The following FAM240B variants were observed in gnomAD, a reference collection of about 807,000 sequenced individuals.
FAM240B encodes the protein protein FAM240B.
Position 38,716,190 on chromosome 9 carries a change from G to A in FAM240B, c.-4+3832C>T, listed in dbSNP as rs1049574033. Among the ~76,000 whole-genome samples, 5 of 152,290 alleles carry A rather than the reference G, an allele frequency of 3.3e-5. No homozygotes were observed. In the South Asian group the frequency reaches 6.2e-4, roughly 19 times the overall value. On this transcript the variant is annotated intron_variant, in intron 1 of 2. Transcript: ENST00000637493. ...GGACCTTACTTAATATGGTGCCCTT[G>A]GCCCGGTGCGGTGGCTCAAGCCAGT...
At position 38,708,148 on chromosome 9, in the gene FAM240B, C is replaced by T. The variant is rs368219730; in HGVS notation, c.-3-4146G>A. Reference sequence around the variant, plus strand: ...TTGGCTGGATGCAGTCAGAGGGCTACCTACCTGCCCCTCCTAGTGGATGCA... The same window carrying T: ...TTGGCTGGATGCAGTCAGAGGGCTATCTACCTGCCCCTCCTAGTGGATGCA... On this transcript the variant is annotated intron_variant, in intron 1 of 2. Coordinates refer to ENST00000637493, the MANE Select transcript of FAM240B (RefSeq NM_001394922.1). 5.9e-5 allele frequency among the ~76,000 whole-genome samples: 9 copies of T among 152,306 alleles called. No homozygotes were observed. In the East Asian group the frequency reaches 1.2e-3, roughly 20 times the overall value.
intron 1 of FAM240B, among the ~76,000 whole-genome samples, chr9:38,706,333 C>A (rs1821189986): frequency 6.6e-6 from 1 of 152,060 alleles, no homozygotes; most frequent in African/African-American, 2.4e-5. Flanking sequence ...AGCCTGCACT[C>A]TTCCCACCGC....
intron 1 of FAM240B, among the ~76,000 whole-genome samples, chr9:38,707,243 A>G (rs1471350567): frequency 6.6e-6 from 1 of 152,164 alleles, no homozygotes; most frequent in Non-Finnish European, 1.5e-5. Context: ...TTGATAATGA[A>G]CATTTTATTC....
At chr9:38,718,407 G>A (rs1361746188) in intron 1 of FAM240B, among the ~76,000 whole-genome samples, 3 of 152,290 alleles carry the variant, frequency 2.0e-5, no homozygotes, top group Admixed American at 6.5e-5. Context: ...CTTCTGTAGA[G>A]GTCCTTTCAG....
At chr9:38,718,914 A>G (rs999579985) in intron 1 of FAM240B, among the ~76,000 whole-genome samples, 1 of 152,160 alleles carries the variant, frequency 6.6e-6, no homozygotes, top group East Asian at 1.9e-4. Context: ...TTTTTATTTT[A>G]TGAATTTCAT....
chr9:38,704,194 A>T (rs1391961012), intron 1 of FAM240B, among the ~76,000 whole-genome samples, 192 bp from the exon 2 acceptor site: 1 of 151,686 alleles, frequency 6.6e-6, no homozygotes, highest in African/African-American at 2.4e-5. Flanking sequence ...GAATAATAAT[A>T]GCTATGCCAG....
intron 1 of FAM240B, among the ~76,000 whole-genome samples, chr9:38,719,064 C>G (rs992233767): frequency 1.3e-4 from 19 of 151,938 alleles, no homozygotes; most frequent in Non-Finnish European, 2.1e-4. Context: ...TCATCAGCCT[C>G]AAGTTCAAGG....
At chr9:38,708,878 G>T (rs1160183144) in intron 1 of FAM240B, among the ~76,000 whole-genome samples, 1 of 152,186 alleles carries the variant, frequency 6.6e-6, no homozygotes. Context: ...ATTTATCTCT[G>T]TTGCTGGGCT....
At position 38,713,281 on chromosome 9, in the gene FAM240B, A is replaced by G. The variant is rs147695982; in HGVS notation, c.-4+6741T>C. Among the ~76,000 whole-genome samples the G allele has an allele frequency of 5.9e-5, 9 of 152,244 alleles. No homozygotes were observed. The East Asian group carries it at 1.7e-3, about 29-fold the overall frequency. Reference sequence around the variant, plus strand: ...ATCACGAGGTCAGGAGATCGAGACCATCCTGGCTAACACGGTGAAACCCCA... The same window carrying G: ...ATCACGAGGTCAGGAGATCGAGACCGTCCTGGCTAACACGGTGAAACCCCA... On this transcript the variant is annotated intron_variant, in intron 1 of 2. Coordinates refer to ENST00000637493, the MANE Select transcript of FAM240B (RefSeq NM_001394922.1).
chr9:38,700,321 A>G (rs945358403), intron 2 of FAM240B, among the ~76,000 whole-genome samples: 8 of 152,240 alleles, frequency 5.3e-5, no homozygotes, highest in Non-Finnish European at 1.2e-4. Flanking sequence ...GGCAGCCTTC[A>G]GAGCAAGAGA....
intron 1 of FAM240B, among the ~76,000 whole-genome samples, chr9:38,706,810 C>T (rs1821196799): frequency 6.6e-6 from 1 of 152,206 alleles, no homozygotes; most frequent in Non-Finnish European, 1.5e-5. Context: ...TCATTCAGTG[C>T]ACAGAATTCT....
rs144754426 is a variant in FAM240B, at chr9:38,715,743, C to T, written c.-4+4279G>A. Among the ~76,000 whole-genome samples, 763 of 152,292 alleles carry T rather than the reference C, an allele frequency of 5.0e-3. 11 individuals are homozygous for T. The highest frequency in any genetic ancestry group is 0.017 in the African/African-American group (725 of 41,558). On this transcript the variant is annotated intron_variant, in intron 1 of 2. Coordinates refer to ENST00000637493, the MANE Select transcript of FAM240B (RefSeq NM_001394922.1). The stretch of plus-strand genomic sequence containing the variant: ...GAATATGTCTGTTGGCTGGACTTGG[C>T]CTTTGGGTCACTAGTTTTTGAGGTC...
chr9:38,715,651 G>A (rs916644001), intron 1 of FAM240B, among the ~76,000 whole-genome samples: 3 of 152,238 alleles, frequency 2.0e-5, no homozygotes, highest in African/African-American at 7.2e-5. Flanking sequence ...AAAACATTAT[G>A]TAATTTCTTT....
At chr9:38,712,249 C>A (rs2119011954) in intron 1 of FAM240B, among the ~76,000 whole-genome samples, 1 of 152,260 alleles carries the variant, frequency 6.6e-6, no homozygotes, top group East Asian at 1.9e-4. Context: ...GCAGTGACAC[C>A]AAGTCATGAA....
At position 38,694,652 on chromosome 9, in the gene FAM240B, C is replaced by T. The variant is rs998925694; in HGVS notation, c.*124G>A. 7.6e-6 allele frequency: 3 copies of T among 395,914 alleles called. No homozygotes were observed. The highest frequency in any genetic ancestry group is 1.3e-5 in the Non-Finnish European group (3 of 224,864). 24.5% of individuals were successfully genotyped at this position (395,914 alleles called of 1,614,324 possible). A position where few individuals can be genotyped will look rare whatever the true frequency, so the allele number is the denominator to read the frequency against. ...GGGGGAGGTTTCACATGTAAATCCCCTAGCAAATGGAAGCACAAATAGAGA... is the reference window on the plus strand; with the variant it reads ...GGGGGAGGTTTCACATGTAAATCCCTTAGCAAATGGAAGCACAAATAGAGA... On this transcript the variant is annotated 3_prime_UTR_variant, in exon 3 of 3. Transcript: ENST00000637493.
chr9:38,695,499 TG>T (rs1255495151), intron 2 of FAM240B, among the ~76,000 whole-genome samples: 1 of 152,216 alleles, frequency 6.6e-6, no homozygotes, highest in African/African-American at 2.4e-5. Context: ...CACTCCAGCC[TG>T]GGCGACAGAG....
intron 1 of FAM240B, among the ~76,000 whole-genome samples, chr9:38,715,021 T>G (rs1587594695): frequency 6.6e-6 from 1 of 152,206 alleles, no homozygotes; most frequent in South Asian, 2.1e-4. Context: ...AGGTGACAGG[T>G]ATATGGGAAC....
At chr9:38,700,765 G>T (rs576613804) in intron 2 of FAM240B, among the ~76,000 whole-genome samples, 2 of 152,318 alleles carry the variant, frequency 1.3e-5, no homozygotes, top group African/African-American at 4.8e-5. Flanking sequence ...CAGACTCAGA[G>T]AAATTAAAGA....
chr9:38,699,777 C>T (rs1190870001), intron 2 of FAM240B, among the ~76,000 whole-genome samples: 1 of 152,226 alleles, frequency 6.6e-6, no homozygotes, highest in Non-Finnish European at 1.5e-5. Context: ...ACTTCTGTGG[C>T]TACCACACTA....
Sources: gnomAD v4.1 joint callset for allele counts (sites outside exome capture counted in the v4.1 genomes callset) on GRCh38, gnomAD v4.1.1 for gene constraint, MANE v1.5 for transcripts, NCBI Gene and HGNC (gene_info 2026-07-23, HGNC 2026-07-21) for gene names.